Variants in ST6GALNAC3 observed in about 807,000 individuals in gnomAD.
The protein encoded by ST6GALNAC3 is ST6 N-acetylgalactosaminide alpha-2,6-sialyltransferase 3, also known as alpha-N-acetylgalactosaminide alpha-2,6-sialyltransferase 3.
In ST6GALNAC3, 25 loss-of-function variants were observed where a neutral mutation model predicts 32.7. The ratio of observed to expected loss-of-function variants is 0.76; its 90% confidence interval spans 0.56 to 1.07. The LOEUF (loss-of-function observed/expected upper bound fraction) is 1.07. Ranked by LOEUF, ST6GALNAC3 falls within the 50% of genes least tolerant of loss-of-function variation. The probability of loss-of-function intolerance (pLI) is 0.00; values close to 1 mark genes in which losing one functional copy is unlikely to be tolerated. For synonymous variants in ST6GALNAC3, 129 were observed against 133.1 expected, an observed-to-expected ratio of 0.97 and a Z score of 0.21; for missense variants, 355 against 382.4, an observed-to-expected ratio of 0.93 and a Z score of 0.60.
intron 1 of ST6GALNAC3, among the ~76,000 whole-genome samples, chr1:76,209,510 G>A (rs1655020099): frequency 6.6e-6 from 1 of 152,138 alleles, no homozygotes; most frequent in Non-Finnish European, 1.5e-5. Flanking sequence ...ACACACAAAG[G>A]TATCATGTGG....
intron 1 of ST6GALNAC3, among the ~76,000 whole-genome samples, chr1:76,219,184 G>A (rs572604578): frequency 1.3e-5 from 2 of 152,156 alleles, no homozygotes; most frequent in African/African-American, 4.8e-5. Flanking sequence ...GGGATATTTC[G>A]CATTTGCAGT....
intron 2 of ST6GALNAC3, among the ~76,000 whole-genome samples, chr1:76,358,915 A>T (rs1649709210): frequency 6.6e-6 from 1 of 152,150 alleles, no homozygotes; most frequent in South Asian, 2.1e-4. Context: ...TACCTCTTAG[A>T]TCAATCATCA....
At chr1:76,496,743 GC>G (rs145452345) in intron 3 of ST6GALNAC3, among the ~76,000 whole-genome samples, 3,680 of 152,294 alleles carry the variant, frequency 0.024, 71 homozygotes, top group Non-Finnish European at 0.039. Flanking sequence ...ATGATAATGA[GC>G]CAAAACTAAT....
intron 1 of ST6GALNAC3, among the ~76,000 whole-genome samples, chr1:76,138,909 C>T (rs1650119410): frequency 6.6e-6 from 1 of 152,094 alleles, no homozygotes; most frequent in Non-Finnish European, 1.5e-5. Flanking sequence ...AAAATCTATG[C>T]ACTGGCCGGG....
chr1:76,387,401 T>G (rs1652181950), intron 2 of ST6GALNAC3, among the ~76,000 whole-genome samples: 1 of 152,166 alleles, frequency 6.6e-6, no homozygotes, highest in Non-Finnish European at 1.5e-5. Flanking sequence ...TTTGTTATAT[T>G]TTAATTAATT....
Position 76,631,596 on chromosome 1 carries a change from A to G in ST6GALNAC3, c.*2790A>G, listed in dbSNP as rs540718615. On this transcript the variant is annotated 3_prime_UTR_variant, in exon 5 of 5. Coordinates refer to ENST00000328299, the MANE Select transcript of ST6GALNAC3 (RefSeq NM_152996.4). ...AATTCCCACAGATTCTGGTCAAATGAAAGATATTCTATCCAACATTTAAAC... is the reference window on the plus strand; with the variant it reads ...AATTCCCACAGATTCTGGTCAAATGGAAGATATTCTATCCAACATTTAAAC... The G allele has an allele frequency of 6.6e-6, 1 of 152,228 alleles. No individual in the cohort carries two copies. Among genetic ancestry groups the G allele is most frequent in the African/African-American group, 2.4e-5 (1 of 41,552 alleles). 9.4% of individuals were successfully genotyped at this position (152,228 alleles called of 1,614,324 possible). A position where few individuals can be genotyped will look rare whatever the true frequency, so the allele number is the denominator to read the frequency against.
chr1:76,167,203 C>G (rs1405909878), intron 1 of ST6GALNAC3, among the ~76,000 whole-genome samples: 1 of 152,140 alleles, frequency 6.6e-6, no homozygotes, highest in East Asian at 1.9e-4. Context: ...GAGTTTTTAA[C>G]ATGAAGGGAT....
chr1:76,285,388 G>GTGTGTGTGTGTA (rs1333361903), intron 1 of ST6GALNAC3, among the ~76,000 whole-genome samples: 1 of 117,660 alleles, frequency 8.5e-6, no homozygotes, highest in Non-Finnish European at 1.9e-5. Flanking sequence ...GGAGGATGGT[G>GTGTGTGTGTGTA]TGTGTGTGTG....
intron 2 of ST6GALNAC3, among the ~76,000 whole-genome samples, chr1:76,352,662 C>T (rs1012395191): frequency 6.6e-6 from 1 of 152,078 alleles, no homozygotes; most frequent in South Asian, 2.1e-4. Flanking sequence ...AGCCCTGACT[C>T]GTACCATGAG....
At chr1:76,222,802 T>C (rs1004270682) in intron 1 of ST6GALNAC3, among the ~76,000 whole-genome samples, 18 of 151,924 alleles carry the variant, frequency 1.2e-4, no homozygotes, top group Admixed American at 2.6e-4. Flanking sequence ...TATGAAAAAA[T>C]GCTCAATATC....
intron 2 of ST6GALNAC3, among the ~76,000 whole-genome samples, chr1:76,388,026 T>C (rs1226153761): frequency 6.6e-6 from 1 of 152,112 alleles, no homozygotes; most frequent in Non-Finnish European, 1.5e-5. Context: ...TCTGATGCCA[T>C]AAGAGGGTGC....
intron 3 of ST6GALNAC3, among the ~76,000 whole-genome samples, chr1:76,487,754 T>G (rs2101680090): frequency 6.6e-6 from 1 of 152,340 alleles, no homozygotes. Flanking sequence ...TCCACCTTTG[T>G]TCCGTTGGCT....
chr1:76,124,082 A>T (rs1649073820), intron 1 of ST6GALNAC3, among the ~76,000 whole-genome samples: 1 of 152,090 alleles, frequency 6.6e-6, no homozygotes, highest in Admixed American at 6.6e-5. Flanking sequence ...TTGTTTTAAA[A>T]CATTAACTCA....
chr1:76,175,517 G>A (rs1324164747), intron 1 of ST6GALNAC3, among the ~76,000 whole-genome samples: 2 of 107,904 alleles, frequency 1.9e-5, no homozygotes, highest in Non-Finnish European at 4.1e-5. Flanking sequence ...CTGCCCTGAT[G>A]GATAGTTTTT....
chr1:76,133,444 C>T (rs1649741985), intron 1 of ST6GALNAC3, among the ~76,000 whole-genome samples: 1 of 152,160 alleles, frequency 6.6e-6, no homozygotes, highest in South Asian at 2.1e-4. Context: ...AGTTTTCCTG[C>T]TCGTCTTATA....
intron 2 of ST6GALNAC3, among the ~76,000 whole-genome samples, chr1:76,315,685 T>C (rs1646851944): frequency 6.6e-6 from 1 of 152,144 alleles, no homozygotes; most frequent in African/African-American, 2.4e-5. Context: ...GTTCTAACAT[T>C]TAATGAACTT....
chr1:76,147,833 C>T (rs1246482957), intron 1 of ST6GALNAC3, among the ~76,000 whole-genome samples: 2 of 152,126 alleles, frequency 1.3e-5, no homozygotes, highest in East Asian at 1.9e-4. Context: ...TCTTTTAGCC[C>T]TCAATCTTCA....
At chr1:76,102,605 A>T (rs1474785611) in intron 1 of ST6GALNAC3, among the ~76,000 whole-genome samples, 1 of 151,958 alleles carries the variant, frequency 6.6e-6, no homozygotes, top group Non-Finnish European at 1.5e-5. Flanking sequence ...TGGTGCTTAC[A>T]CTAGAGATTA....
intron 3 of ST6GALNAC3, among the ~76,000 whole-genome samples, chr1:76,475,133 C>T (rs1044004185): frequency 6.6e-6 from 1 of 152,144 alleles, no homozygotes; most frequent in Non-Finnish European, 1.5e-5. Flanking sequence ...AGGATTGCTA[C>T]TTCCCACTCA....
Sources: gnomAD v4.1 joint callset for allele counts (sites outside exome capture counted in the v4.1 genomes callset) on GRCh38, gnomAD v4.1.1 for gene constraint, MANE v1.5 for transcripts, NCBI Gene and HGNC (gene_info 2026-07-23, HGNC 2026-07-21) for gene names.